The following ZNF385D variants were observed in gnomAD, a reference collection of about 807,000 sequenced individuals.
ZNF385D encodes zinc finger protein 385D, also known as zinc finger protein 659.
A neutral mutation model predicts 35.8 loss-of-function variants in ZNF385D; 15 were observed. That is an observed-to-expected ratio of 0.42 (90% CI 0.28 to 0.64). ZNF385D has a LOEUF of 0.64. Among genes scored for constraint, ZNF385D ranks in the 30% least tolerant of loss-of-function variants. The probability of loss-of-function intolerance (pLI) is 0.23; values close to 1 mark genes in which losing one functional copy is unlikely to be tolerated. For missense variants in ZNF385D, 474 were observed against 494.6 expected (o/e 0.96, Z 0.39); for synonymous variants, 212 against 186.8 (o/e 1.13, Z -1.10).
chr3:22,368,704 C>T (rs1312338101), intron 2 of ZNF385D, among the ~76,000 whole-genome samples: 2 of 152,082 alleles, frequency 1.3e-5, no homozygotes, highest in Non-Finnish European at 2.9e-5. Context: ...GCACTAATCC[C>T]ATTACAGGGG....
chr3:21,902,581 G>A (rs1699465584), intron 3 of ZNF385D, among the ~76,000 whole-genome samples: 1 of 152,172 alleles, frequency 6.6e-6, no homozygotes, highest in Admixed American at 6.6e-5. Context: ...GGGTTCTCCA[G>A]GAGTAGAAAT....
intron 3 of ZNF385D, among the ~76,000 whole-genome samples, chr3:22,152,952 A>G (rs1559411411): frequency 1.3e-5 from 2 of 152,124 alleles, no homozygotes; most frequent in Non-Finnish European, 2.9e-5. Flanking sequence ...AATTGTGTGT[A>G]CCTCTTATCT....
Position 22,100,160 on chromosome 3 carries a change from A to G in ZNF385D, c.325+68657T>C, listed in dbSNP as rs567698058. Among the ~76,000 whole-genome samples the G allele has an allele frequency of 3.1e-3, 448 of 144,438 alleles. 5 individuals carry two copies. The highest frequency in any genetic ancestry group is 0.011 in the African/African-American group (399 of 37,552). 94.8% of individuals were successfully genotyped at this position (144,438 alleles called of 152,430 possible). A position where few individuals can be genotyped will look rare whatever the true frequency, so the allele number is the denominator to read the frequency against. The stretch of plus-strand genomic sequence containing the variant: ...ATCATCTCACACCAGTTAGAATGGC[A>G]ATCATTAAAAAGTCAGGAAACAACA... On this transcript the variant is annotated intron_variant, in intron 3 of 5. Transcript: ENST00000494108.
chr3:21,653,181 C>A (rs1402064634), intron 2 of ZNF385D, among the ~76,000 whole-genome samples: 1 of 151,990 alleles, frequency 6.6e-6, no homozygotes, highest in Non-Finnish European at 1.5e-5. Flanking sequence ...GTGTTTCTTC[C>A]CCCAGCAGCA....
At chr3:22,246,319 A>G (rs1294596520) in intron 2 of ZNF385D, among the ~76,000 whole-genome samples, 1 of 151,996 alleles carries the variant, frequency 6.6e-6, no homozygotes, top group Non-Finnish European at 1.5e-5. Flanking sequence ...TTTTTGGTTG[A>G]CCTCTGTCTA....
chr3:22,182,354 T>A (rs1325870722), intron 2 of ZNF385D, among the ~76,000 whole-genome samples: 1 of 152,170 alleles, frequency 6.6e-6, no homozygotes, highest in Non-Finnish European at 1.5e-5. Flanking sequence ...GCTGTATCCC[T>A]AATCCCAAAC....
intron 4 of ZNF385D, among the ~76,000 whole-genome samples, chr3:21,460,366 C>T (rs559255839): frequency 2.7e-4 from 41 of 152,098 alleles, no homozygotes; most frequent in African/African-American, 9.9e-4. Context: ...CAGATCGTGT[C>T]AAAAATAATA....
At chr3:21,506,279 G>T (rs1232357630) in intron 4 of ZNF385D, among the ~76,000 whole-genome samples, 1 of 152,128 alleles carries the variant, frequency 6.6e-6, no homozygotes, top group African/African-American at 2.4e-5. Flanking sequence ...GCTAGTGGTT[G>T]CTTCGTCAGC....
At chr3:22,189,759 T>C (rs548825245) in intron 2 of ZNF385D, among the ~76,000 whole-genome samples, 1 of 152,302 alleles carries the variant, frequency 6.6e-6, no homozygotes, top group Admixed American at 6.5e-5. Context: ...CAAATTTAAA[T>C]AGCTCAAACT....
chr3:22,150,251 A>T, intron 3 of ZNF385D, among the ~76,000 whole-genome samples: 1 of 152,156 alleles, frequency 6.6e-6, no homozygotes, highest in East Asian at 1.9e-4. Context: ...TCTATGTTCA[A>T]ATAGGGCCTC....
chr3:22,218,965 C>T (rs1262526775), intron 2 of ZNF385D, among the ~76,000 whole-genome samples: 1 of 152,086 alleles, frequency 6.6e-6, no homozygotes, highest in African/African-American at 2.4e-5. Flanking sequence ...ATTCACACTA[C>T]AGAGAATGAC....
At chr3:22,106,834 T>C (rs1219511640) in intron 3 of ZNF385D, among the ~76,000 whole-genome samples, 1 of 152,106 alleles carries the variant, frequency 6.6e-6, no homozygotes, top group Non-Finnish European at 1.5e-5. Context: ...GGTTAGACTA[T>C]CAACCACCAC....
intron 4 of ZNF385D, among the ~76,000 whole-genome samples, chr3:21,497,712 G>A (rs746199533): frequency 3.3e-5 from 5 of 152,038 alleles, no homozygotes; most frequent in Non-Finnish European, 5.9e-5. Flanking sequence ...AGCTGGGTGA[G>A]GTGGCTCATG....
intron 2 of ZNF385D, among the ~76,000 whole-genome samples, chr3:21,581,740 A>ATAAAGTAAAATT (rs1304599508): frequency 6.6e-6 from 1 of 152,206 alleles, no homozygotes; most frequent in Non-Finnish European, 1.5e-5. Context: ...CTGCATGTTT[A>ATAAAGTAAAATT]TAAAGTAAAA....
intron 4 of ZNF385D, among the ~76,000 whole-genome samples, chr3:21,461,724 T>C (rs425885): frequency 0.97 from 148,376 of 152,350 alleles, 72,276 homozygotes; most frequent in East Asian, 1. Context: ...ACTAATTAGG[T>C]CTCTAGCCAT....
intron 3 of ZNF385D, among the ~76,000 whole-genome samples, chr3:22,115,720 T>G (rs74362382): frequency 0.017 from 2,640 of 152,164 alleles, 65 homozygotes; most frequent in African/African-American, 0.059. Context: ...TGTAATGTAG[T>G]AGTAGATTTC....
intron 3 of ZNF385D, among the ~76,000 whole-genome samples, chr3:22,110,881 C>T (rs1337212475): frequency 6.6e-6 from 1 of 151,428 alleles, no homozygotes; most frequent in Non-Finnish European, 1.5e-5. Context: ...ATAAGGCTGT[C>T]AAGAGAGGTA....
chr3:21,996,239 A>G (rs564325786), intron 3 of ZNF385D, among the ~76,000 whole-genome samples: 13 of 152,282 alleles, frequency 8.5e-5, no homozygotes, highest in Non-Finnish European at 1.8e-4. Flanking sequence ...CACAAGCATC[A>G]AGGGACTCTT....
chr3:21,914,184 C>T (rs1364013670), intron 3 of ZNF385D, among the ~76,000 whole-genome samples: 2 of 151,930 alleles, frequency 1.3e-5, no homozygotes, highest in African/African-American at 4.8e-5. Flanking sequence ...AGACAGGGAA[C>T]CTAAAACTAG....
Sources: allele counts gnomAD v4.1 joint callset (sites outside exome capture counted in the v4.1 genomes callset), GRCh38; gene constraint gnomAD v4.1.1; transcripts MANE v1.5; gene names NCBI Gene and HGNC (gene_info 2026-07-23, HGNC 2026-07-21).